MIA2: variants seen among roughly 807,000 people sequenced by gnomAD.
MIA2 encodes the protein MIA SH3 domain ER export factor 2, also known as melanoma inhibitory activity protein 2.
In MIA2, 127 loss-of-function variants were observed where a neutral mutation model predicts 167.8. The ratio of observed to expected loss-of-function variants is 0.76; its 90% CI spans 0.66 to 0.88. The LOEUF (loss-of-function observed/expected upper bound fraction) is 0.88. MIA2 is among the 40% of genes least tolerant of loss of function. The probability of loss-of-function intolerance (pLI) is 0.00; values close to 1 mark genes in which losing one functional copy is unlikely to be tolerated. For synonymous variants in MIA2, 552 were observed against 541.9 expected, an observed-to-expected ratio of 1.02 and a Z score of -0.26; for missense variants, 1,690 against 1,624.7, an observed-to-expected ratio of 1.04 and a Z score of -0.69.
At chr14:39,327,369 A>G (rs2067792017) in intron 25 of MIA2, among the ~76,000 whole-genome samples, 1 of 152,200 alleles carries the variant, frequency 6.6e-6, no homozygotes, top group Non-Finnish European at 1.5e-5. Context: ...AGTTGTAGGT[A>G]TATATCTTTT....
intron 18 of MIA2, among the ~76,000 whole-genome samples, chr14:39,309,301 C>T (rs1442081830): frequency 6.6e-6 from 1 of 152,182 alleles, no homozygotes; most frequent in East Asian, 1.9e-4. Flanking sequence ...CTCAAAATCC[C>T]TGAGTGCCTT....
chr14:39,349,299 CAGTT>C lies in MIA2; in HGVS notation c.4072+326_4072+329del, dbSNP rs571147023. Among the ~76,000 whole-genome samples the C allele has an allele frequency of 2.4e-3, 370 of 152,292 alleles. 1 individual carries two copies. Among genetic ancestry groups the C allele is most frequent in the African/African-American group, 8.1e-3 (337 of 41,570 alleles). ...ATTTGGTAGCAACTGGTTATTCTGA[CAGTT>C]AGTGAAAATAATAACTTATATTCTA... is the stretch of plus-strand genomic sequence containing the variant. On this transcript the variant is annotated intron_variant, in intron 28 of 28. Coordinates refer to ENST00000640607, the MANE Select transcript of MIA2 (RefSeq NM_001329214.4).
At chr14:39,357,984 C>T (rs1338967111) in intron 23 of MIA2, among the ~76,000 whole-genome samples, 1 of 152,202 alleles carries the variant, frequency 6.6e-6, no homozygotes, top group African/African-American at 2.4e-5. Context: ...CTGCCCTTAA[C>T]ATTTTTTCCT....
At chr14:39,266,363 T>C (rs1371535728) in intron 6 of MIA2, 2 of 984,502 alleles carry the variant, frequency 2.0e-6, no homozygotes, top group Non-Finnish European at 2.4e-6. Flanking sequence ...AAAAATAGAG[T>C]CCTAAATTTA....
intron 23 of MIA2, among the ~76,000 whole-genome samples, chr14:39,373,978 T>G (rs1026797848): frequency 6.6e-6 from 1 of 152,116 alleles, no homozygotes; most frequent in African/African-American, 2.4e-5. Context: ...CTGGGCAACA[T>G]AGCAAGACTG....
intron 14 of MIA2, among the ~76,000 whole-genome samples, chr14:39,300,492 A>G (rs1053292556): frequency 1.8e-4 from 28 of 152,048 alleles, no homozygotes; most frequent in Admixed American, 3.9e-4. Context: ...CTTAATGCTG[A>G]TAAATACAGA....
chr14:39,279,722 A>G (rs961817463), intron 9 of MIA2, among the ~76,000 whole-genome samples, 185 bp downstream of exon 9: 3 of 152,158 alleles, frequency 2.0e-5, no homozygotes, highest in Non-Finnish European at 4.4e-5. Context: ...TAGGTGTACA[A>G]TGGTGTCTCC....
rs2065281292 is a variant in MIA2, at chr14:39,315,714, A to G, written c.3212A>G (p.Asn1071Ser). The G allele has an allele frequency of 6.5e-7, 1 of 1,550,310 alleles. No individual in the cohort carries two copies. Among genetic ancestry groups the G allele is most frequent in the African/African-American group, 1.4e-5 (1 of 73,272 alleles). ...TCCCATGAGAAAAAAGCACATGATA[A>G]TTGGGTAAGTTTAAAATTTCCTTAA... ...IISHEKKAHD[N>S]WLAARNAERN... The change falls in exon 21 of 29, where the codon AAT becomes AGT. Residue 1071 changes from asparagine (N) to serine (S), a missense_variant. Asn to Ser is a conservative substitution (Grantham distance 46). Transcript: ENST00000640607.
chr14:39,364,999 A>T (rs2074787094), intron 23 of MIA2, among the ~76,000 whole-genome samples: 1 of 151,790 alleles, frequency 6.6e-6, no homozygotes, highest in Admixed American at 6.6e-5. Context: ...CTCTTGTTAT[A>T]TGTGAGAACT....
chr14:39,298,542 T>TTATTTTTTTG (rs2061854102), intron 13 of MIA2, among the ~76,000 whole-genome samples: 3 of 97,026 alleles, frequency 3.1e-5, no homozygotes, highest in Non-Finnish European at 3.9e-5. Flanking sequence ...TTTTTTTTTT[T>TTATTTTTTTG]TTTTTTTTTT....
At chr14:39,314,694 T>C in intron 19 of MIA2, 45 bp from the exon 20 acceptor site, 1 of 1,496,358 alleles carries the variant, frequency 6.7e-7, no homozygotes, top group South Asian at 1.2e-5. Flanking sequence ...GTTCTGTCAT[T>C]TCATGTTATA....
chr14:39,371,145 A>G (rs1041908014), intron 23 of MIA2, among the ~76,000 whole-genome samples: 3 of 152,146 alleles, frequency 2.0e-5, no homozygotes, highest in Non-Finnish European at 4.4e-5. Flanking sequence ...TTACTTGACT[A>G]TTCTTTTCTT....
intron 24 of MIA2, among the ~76,000 whole-genome samples, chr14:39,323,216 A>G (rs143378975): frequency 5.3e-5 from 8 of 152,218 alleles, no homozygotes; most frequent in African/African-American, 1.4e-4. Flanking sequence ...TGCTTCACTT[A>G]GAACTGTTCC....
Position 39,252,846 on chromosome 14 carries a change from G to A in MIA2, c.1666G>A (p.Val556Ile). The change falls in exon 5 of 29, where the codon GTA (valine) becomes ATA (isoleucine). Residue 556 changes from valine (V) to isoleucine (I), a missense_variant. Coordinates refer to ENST00000640607, the MANE Select transcript of MIA2 (RefSeq NM_001329214.4). Reference sequence around the variant, plus strand: ...TAGTGATGAAAATTCGAAACCATCAGTAGACACCGAAGGGCCTGCTCTGGT... The same window carrying A: ...TAGTGATGAAAATTCGAAACCATCAATAGACACCGAAGGGCCTGCTCTGGT... ...KDSDENSKPS[V>I]DTEGPALVEI... 6.2e-7 allele frequency: 1 copy of A among 1,613,982 alleles called. No homozygotes were observed. Among genetic ancestry groups the A allele is most frequent in the Non-Finnish European group, 8.5e-7 (1 of 1,179,910 alleles).
At chr14:39,335,097 A>G (rs2070034758) in intron 25 of MIA2, among the ~76,000 whole-genome samples, 1 of 152,132 alleles carries the variant, frequency 6.6e-6, no homozygotes, top group South Asian at 2.1e-4. Flanking sequence ...AAAAAAACAA[A>G]CAAAATAGTG....
At chr14:39,321,106 A>C (rs568932304) in intron 24 of MIA2, 50 bp downstream of exon 24, 5 of 1,537,724 alleles carry the variant, frequency 3.3e-6, no homozygotes, top group Non-Finnish European at 4.4e-6. Flanking sequence ...CTTACTTTAT[A>C]TTTTCATCTC....
chr14:39,374,892 T>A (rs917182474), intron 23 of MIA2, among the ~76,000 whole-genome samples: 2 of 152,234 alleles, frequency 1.3e-5, no homozygotes, highest in Non-Finnish European at 2.9e-5. Context: ...GAATTCTCAT[T>A]TTAGGTAAAA....
At chr14:39,250,815 C>A (rs1460230354) in intron 4 of MIA2, among the ~76,000 whole-genome samples, 3 of 150,584 alleles carry the variant, frequency 2.0e-5, no homozygotes, top group Non-Finnish European at 4.4e-5. Context: ...GATGTTCCTG[C>A]AATTTTAACT....
chr14:39,337,734 T>C (rs1179042161), intron 25 of MIA2, among the ~76,000 whole-genome samples: 4 of 152,056 alleles, frequency 2.6e-5, no homozygotes, highest in African/African-American at 9.7e-5. Flanking sequence ...CTTTTTTTTT[T>C]CGAGATGGAG....
Sources: gnomAD v4.1 joint callset for allele counts (sites outside exome capture counted in the v4.1 genomes callset) on GRCh38, gnomAD v4.1.1 for gene constraint, MANE v1.5 for transcripts, NCBI Gene and HGNC (gene_info 2026-07-23, HGNC 2026-07-21) for gene names.